SPATA13: variants seen among roughly 807,000 people sequenced by gnomAD.
SPATA13 encodes the protein spermatogenesis associated 13, also known as spermatogenesis-associated protein 13.
SPATA13 carries 50 observed loss-of-function variants against 104.0 expected under a neutral mutation model. The observed-to-expected ratio is 0.48, with a 90% CI of 0.38 to 0.61. The LOEUF (loss-of-function observed/expected upper bound fraction) is 0.61. Among genes scored for constraint, SPATA13 ranks in the 20% least tolerant of loss-of-function variants. The pLI is 0.00. For missense variants in SPATA13, 1,524 were observed against 1,690.6 expected (o/e 0.90, Z 1.73); for synonymous variants, 606 against 667.5 (o/e 0.91, Z 1.42).
At chr13:24,007,724 T>C (rs1876295810) in intron 2 of SPATA13, among the ~76,000 whole-genome samples, 1 of 152,202 alleles carries the variant, frequency 6.6e-6, no homozygotes, top group South Asian at 2.1e-4. Flanking sequence ...CATCTTGGCC[T>C]CCCAAAGTGC....
intron 3 of SPATA13, among the ~76,000 whole-genome samples, chr13:24,087,633 A>C (rs1251138893): frequency 6.6e-6 from 1 of 152,194 alleles, no homozygotes; most frequent in Non-Finnish European, 1.5e-5. Context: ...TACAGGAATG[A>C]AGATGGAATT....
chr13:24,241,830 C>T (rs1220594), intron 2 of SPATA13, among the ~76,000 whole-genome samples: 152,110 of 152,302 alleles, frequency 1, 75,959 homozygotes, highest in Non-Finnish European at 1. Context: ...GGCGGGAGGA[C>T]TGCCTGAGCC....
chr13:24,004,928 T>G (rs1331089640), intron 2 of SPATA13, among the ~76,000 whole-genome samples: 1 of 152,232 alleles, frequency 6.6e-6, no homozygotes, highest in East Asian at 1.9e-4. Flanking sequence ...TGTCCTATTA[T>G]CATCACAATC....
chr13:24,252,499 C>T (rs1295863810), intron 4 of SPATA13, among the ~76,000 whole-genome samples: 3 of 152,098 alleles, frequency 2.0e-5, no homozygotes, highest in Admixed American at 6.5e-5. Context: ...CAATCAAAAA[C>T]GTATACCATG....
chr13:24,162,026 C>A (rs529165053), intron 1 of SPATA13, among the ~76,000 whole-genome samples: 1 of 152,132 alleles, frequency 6.6e-6, no homozygotes, highest in East Asian at 1.9e-4. Context: ...ATGTCCCCCT[C>A]CCCCGTCTTG....
intron 3 of SPATA13, among the ~76,000 whole-genome samples, chr13:24,120,993 G>A (rs1440236169): frequency 6.6e-6 from 1 of 151,890 alleles, no homozygotes; most frequent in Non-Finnish European, 1.5e-5. Flanking sequence ...CGATAACGAG[G>A]AAGTAGGAGT....
intron 3 of SPATA13, among the ~76,000 whole-genome samples, chr13:24,100,747 T>TGGATATGGAGA: frequency 6.6e-6 from 1 of 151,250 alleles, no homozygotes; most frequent in East Asian, 1.9e-4. Context: ...TAGCAGATTT[T>TGGATATGGAGA]GCTCTTACCT....
intron 1 of SPATA13, among the ~76,000 whole-genome samples, chr13:24,196,539 A>T (rs1870066506): frequency 6.6e-6 from 1 of 152,148 alleles, no homozygotes; most frequent in Non-Finnish European, 1.5e-5. Flanking sequence ...GTTTGAGACC[A>T]GCCTGGGAAA....
At chr13:24,299,618 G>A (rs1877040210) in intron 11 of SPATA13, among the ~76,000 whole-genome samples, 1 of 152,214 alleles carries the variant, frequency 6.6e-6, no homozygotes. Flanking sequence ...GGCAGAGGTA[G>A]AGAGGGAGCC....
At chr13:23,999,699 C>T (rs977736018) in intron 2 of SPATA13, among the ~76,000 whole-genome samples, 1 of 152,202 alleles carries the variant, frequency 6.6e-6, no homozygotes, top group African/African-American at 2.4e-5. Flanking sequence ...AGAGATTACT[C>T]TCAAGTCTGG....
chr13:24,138,972 G>T (rs150515306), intron 3 of SPATA13, among the ~76,000 whole-genome samples: 292 of 152,008 alleles, frequency 1.9e-3, no homozygotes, highest in African/African-American at 6.8e-3. Context: ...TTATTTCCTA[G>T]GGCTGCTAAA....
At chr13:24,092,714 T>C (rs901873237) in intron 3 of SPATA13, among the ~76,000 whole-genome samples, 21 of 152,258 alleles carry the variant, frequency 1.4e-4, no homozygotes, top group African/African-American at 5.1e-4. Context: ...CCTTTCAAAC[T>C]GCCACATTTG....
chr13:24,169,609 T>G (rs1882883086), intron 1 of SPATA13, among the ~76,000 whole-genome samples: 1 of 152,180 alleles, frequency 6.6e-6, no homozygotes, highest in South Asian at 2.1e-4. Flanking sequence ...GTCATGTGGC[T>G]CCGGGAGCAT....
chr13:24,122,906 C>A, intron 3 of SPATA13: 2 of 776,014 alleles, frequency 2.6e-6, no homozygotes, highest in African/African-American at 1.7e-5. Context: ...TTCCCTCGAG[C>A]TGTTGGGTTA....
chr13:24,053,399 C>T (rs1878430855), intron 3 of SPATA13, among the ~76,000 whole-genome samples: 1 of 152,126 alleles, frequency 6.6e-6, no homozygotes, highest in African/African-American at 2.4e-5. Context: ...GGAGTTCCTG[C>T]ATAACAAAAT....
intron 3 of SPATA13, chr13:24,123,013 GC>G: frequency 1.1e-6 from 1 of 889,736 alleles, no homozygotes; most frequent in Non-Finnish European, 1.9e-6. Flanking sequence ...TCTTCATCTG[GC>G]CCCATCTGGA....
intron 2 of SPATA13, among the ~76,000 whole-genome samples, chr13:23,992,761 T>G (rs9553131): frequency 2.6e-5 from 4 of 152,102 alleles, no homozygotes; most frequent in Non-Finnish European, 5.9e-5. Context: ...CAAACTCACA[T>G]CCATAGTTGG....
chr13:24,273,880 G>T (rs1256026112), intron 4 of SPATA13, among the ~76,000 whole-genome samples: 2 of 152,076 alleles, frequency 1.3e-5, no homozygotes, highest in African/African-American at 4.8e-5. Flanking sequence ...AATAGAGATG[G>T]GATCTTGCTA....
intron 3 of SPATA13, among the ~76,000 whole-genome samples, chr13:24,124,504 T>G (rs1246368510): frequency 6.6e-6 from 1 of 152,172 alleles, no homozygotes; most frequent in East Asian, 1.9e-4. Flanking sequence ...CGAAGGAAGG[T>G]GGATGGCCTG....
Sources: allele counts gnomAD v4.1 joint callset (sites outside exome capture counted in the v4.1 genomes callset), GRCh38; gene constraint gnomAD v4.1.1; transcripts MANE v1.5; gene names NCBI Gene and HGNC (gene_info 2026-07-23, HGNC 2026-07-21).